NDUFA5: variants seen among roughly 807,000 people sequenced by gnomAD.
The protein encoded by NDUFA5 is NADH:ubiquinone oxidoreductase subunit A5, also known as NADH dehydrogenase [ubiquinone] 1 alpha subcomplex subunit 5.
NDUFA5 carries 11 observed loss-of-function variants against 19.8 expected under a neutral mutation model. The ratio of observed to expected loss-of-function variants is 0.56; its 90% CI spans 0.35 to 0.92. The LOEUF (loss-of-function observed/expected upper bound fraction) is 0.92, where lower values mean the gene tolerates loss of function less well. Ranked by LOEUF, NDUFA5 falls within the 40% of genes least tolerant of loss-of-function variation. The probability of loss-of-function intolerance (pLI) is 0.01; values close to 1 mark genes in which losing one functional copy is unlikely to be tolerated. For synonymous variants in NDUFA5, 47 were observed against 46.8 expected (o/e 1.00, Z -0.01); for missense variants, 109 against 134.2 (o/e 0.81, Z 0.93).
chr7:123,554,680 C>CTT (rs59380778), intron 2 of NDUFA5: 3 of 143,610 alleles, frequency 2.1e-5, no homozygotes, highest in Non-Finnish European at 3.1e-5. Context: ...GTTGTTATCT[C>CTT]TTTTTTTTTT....
the NDUFA5 span, among the ~76,000 whole-genome samples, chr7:123,599,213 C>A: frequency 6.6e-6 from 1 of 151,820 alleles, no homozygotes; most frequent in Non-Finnish European, 1.5e-5. Flanking sequence ...GCTTACTAAA[C>A]AACAAAATAA....
the NDUFA5 span, chr7:123,584,863 C>A: frequency 6.6e-6 from 1 of 151,808 alleles, no homozygotes; most frequent in East Asian, 1.9e-4. Flanking sequence ...ACATATTTTC[C>A]TGGGTGAGAG....
At chr7:123,572,823 A>G in the NDUFA5 span, among the ~76,000 whole-genome samples, 2 of 150,196 alleles carry the variant, frequency 1.3e-5, no homozygotes, top group South Asian at 4.3e-4. Context: ...AGGTATTTAT[A>G]TTTTCCATCT....
At chr7:123,578,020 C>T in the NDUFA5 span, among the ~76,000 whole-genome samples, 1 of 151,606 alleles carries the variant, frequency 6.6e-6, no homozygotes, top group South Asian at 2.1e-4. Flanking sequence ...TTAAGTATTT[C>T]TCCTAATGTT....
the NDUFA5 span, among the ~76,000 whole-genome samples, chr7:123,569,591 G>C: frequency 1.3e-5 from 2 of 152,224 alleles, no homozygotes; most frequent in Non-Finnish European, 2.9e-5. Flanking sequence ...TCAGCCCCTA[G>C]GGGAAGGGGA....
chr7:123,546,673 A>C lies in NDUFA5; in HGVS notation c.184-997T>G, dbSNP rs1002821232. 1.1e-4 allele frequency: 137 copies of C among 1,286,998 alleles called. No individual in the cohort carries two copies. In the Admixed American group the frequency reaches 3.1e-3, roughly 29 times the overall value. 79.7% of individuals were successfully genotyped at this position (1,286,998 alleles called of 1,614,324 possible). ...AAAATAATACATTTTGCTTTTCAAC[A>C]CAAGACGTGATATGTTACTGCCTCA... On this transcript the variant is annotated intron_variant, in intron 3 of 4. Transcript: ENST00000355749.
At chr7:123,594,391 T>C in the NDUFA5 span, among the ~76,000 whole-genome samples, 3 of 152,162 alleles carry the variant, frequency 2.0e-5, no homozygotes, top group African/African-American at 7.2e-5. Context: ...GCCTTTCTGC[T>C]CTGGTTTCTC....
chr7:123,585,868 G>A, the NDUFA5 span, among the ~76,000 whole-genome samples: 1 of 151,550 alleles, frequency 6.6e-6, no homozygotes, highest in South Asian at 2.1e-4. Context: ...CCTACTATAA[G>A]GTCCTCCAGT....
chr7:123,546,657 C>T (rs1484201326), intron 3 of NDUFA5: 4 of 1,281,388 alleles, frequency 3.1e-6, no homozygotes, highest in South Asian at 1.3e-5. Flanking sequence ...GAAAATAATA[C>T]ATTTTGCTTT....
Position 123,556,712 on chromosome 7 carries a change from T to C in NDUFA5, c.66+692A>G, listed in dbSNP as rs186684702. The C allele has an allele frequency of 3.1e-4, 122 of 391,210 alleles. No homozygotes were observed. The Admixed American group carries it at 4.1e-3, about 13-fold the overall frequency. 24.2% of individuals were successfully genotyped at this position (391,210 alleles called of 1,614,324 possible). ...ACTGGTGAACTTGAAAAGAGCGTGA[T>C]GGAAAAAGTGTCAAATGTGTCAAAA... is the stretch of plus-strand genomic sequence containing the variant. On this transcript the variant is annotated intron_variant, in intron 2 of 4. Transcript: ENST00000355749.
Position 123,538,645 on chromosome 7 carries a change from C to T in NDUFA5, c.*3474G>A, listed in dbSNP as rs1259753040. 3 of 152,232 alleles carry T rather than the reference C, an allele frequency of 2.0e-5. No homozygotes were observed. Among genetic ancestry groups the T allele is most frequent in the African/African-American group, 7.2e-5 (3 of 41,448 alleles). The allele number at this position is 152,232 out of a possible 1,614,324, so 9.4% of individuals were successfully genotyped here. A position where few individuals can be genotyped will look rare whatever the true frequency, so the allele number is the denominator to read the frequency against. On this transcript the variant is annotated 3_prime_UTR_variant, in exon 5 of 5. Coordinates refer to ENST00000355749, the MANE Select transcript of NDUFA5 (RefSeq NM_005000.5). ...CCTCAAGTGATCCACCCACCTCGGC[C>T]TCCCAAAGTAGTGGGATTATAGGTG... is the stretch of plus-strand genomic sequence containing the variant.
chr7:123,556,204 G>A (rs1798533256), intron 2 of NDUFA5: 1 of 152,206 alleles, frequency 6.6e-6, no homozygotes, highest in Non-Finnish European at 1.5e-5. Flanking sequence ...GCAAGACTGA[G>A]AGAAGAGCAG....
At chr7:123,588,534 T>TTTCC in the NDUFA5 span, among the ~76,000 whole-genome samples, 2 of 151,574 alleles carry the variant, frequency 1.3e-5, no homozygotes, top group African/African-American at 2.4e-5. Context: ...TCTTTCTTTC[T>TTTCC]TTCCTTCTTT....
rs73718416 is a variant in NDUFA5, at chr7:123,549,998, T to C, written c.183+472A>G. 8.3e-3 allele frequency: 1,269 copies of C among 153,330 alleles called. 20 individuals are homozygous for C. Among genetic ancestry groups the C allele is most frequent in the African/African-American group, 0.029 (1,214 of 41,544 alleles). 9.5% of individuals were successfully genotyped at this position (153,330 alleles called of 1,614,324 possible). A position where few individuals can be genotyped will look rare whatever the true frequency, so the allele number is the denominator to read the frequency against. The stretch of plus-strand genomic sequence containing the variant: ...ATTTAATGATTGCTAGTGTGAAAAT[T>C]TAACAATAGTACAATATAGTTTGGT... On this transcript the variant is annotated intron_variant, in intron 3 of 4. Transcript: ENST00000355749.
the NDUFA5 span, among the ~76,000 whole-genome samples, chr7:123,586,388 G>A: frequency 5.9e-5 from 9 of 151,718 alleles, no homozygotes; most frequent in African/African-American, 1.7e-4. Flanking sequence ...TAGAAAAAAT[G>A]TCTATTCAGA....
the NDUFA5 span, among the ~76,000 whole-genome samples, chr7:123,567,548 G>A: frequency 6.6e-6 from 1 of 152,326 alleles, no homozygotes; most frequent in South Asian, 2.1e-4. Context: ...GTGAGGGACT[G>A]GGTCCTACCA....
the NDUFA5 span, among the ~76,000 whole-genome samples, chr7:123,575,976 T>C: frequency 7.5e-4 from 113 of 151,666 alleles, no homozygotes; most frequent in East Asian, 0.017. Flanking sequence ...CTTTCAATTC[T>C]TGTTGGCTTC....
chr7:123,556,824 C>A (rs764076406), intron 2 of NDUFA5: 3 of 502,734 alleles, frequency 6.0e-6, no homozygotes, highest in Non-Finnish European at 7.8e-6. Flanking sequence ...ACTTGAAAAA[C>A]GCCAAGGGTG....
At chr7:123,589,044 G>A in the NDUFA5 span, among the ~76,000 whole-genome samples, 2 of 151,668 alleles carry the variant, frequency 1.3e-5, no homozygotes, top group South Asian at 2.1e-4. Context: ...TCTATGTAAT[G>A]TTCTGCATAT....
Sources: allele counts gnomAD v4.1 joint callset (sites outside exome capture counted in the v4.1 genomes callset), GRCh38; gene constraint gnomAD v4.1.1; transcripts MANE v1.5; gene names NCBI Gene and HGNC (gene_info 2026-07-23, HGNC 2026-07-21).